PDE11A: variants seen among roughly 807,000 people sequenced by gnomAD.
PDE11A encodes the protein dual 3',5'-cyclic-AMP and -GMP phosphodiesterase 11A.
A neutral mutation model predicts 100.5 loss-of-function variants in PDE11A; 100 were observed. That is an observed-to-expected ratio of 1.00 (90% CI 0.85 to 1.18). The LOEUF (loss-of-function observed/expected upper bound fraction) is 1.18, where lower values mean the gene tolerates loss of function less well. PDE11A is among the 50% of genes most tolerant of loss of function. The pLI is 0.00. For synonymous variants in PDE11A, 381 were observed against 420.8 expected (o/e 0.91, Z 1.16); for missense variants, 1,141 against 1,152.6 (o/e 0.99, Z 0.15).
intron 5 of PDE11A, among the ~76,000 whole-genome samples, chr2:177,861,450 T>G (rs539120244): frequency 3.3e-5 from 5 of 151,914 alleles, no homozygotes; most frequent in Admixed American, 2.0e-4. Context: ...GAAAGACAAC[T>G]TATATACAGG....
At chr2:177,781,040 C>T (rs1322240401) in intron 9 of PDE11A, among the ~76,000 whole-genome samples, 1 of 152,184 alleles carries the variant, frequency 6.6e-6, no homozygotes, top group Admixed American at 6.5e-5. Context: ...TTTTGACATG[C>T]CTTTCTCACT....
At position 177,769,565 on chromosome 2, in the gene PDE11A, C is replaced by T. The variant is rs527635085; in HGVS notation, c.1738-192G>A. ...TCACATATTAAAGAATATTTTATAC[C>T]GGGATTTTTCTATGGGTAGTTATGT... On this transcript the variant is annotated intron_variant, in intron 9 of 19. Transcript: ENST00000286063. 1.1e-4 allele frequency among the ~76,000 whole-genome samples: 17 copies of T among 152,072 alleles called. 1 individual carries two copies. Among genetic ancestry groups the T allele is most frequent in the South Asian group, 4.2e-4 (2 of 4,818 alleles).
chr2:177,790,899 G>C (rs1381453980), intron 9 of PDE11A, among the ~76,000 whole-genome samples: 1 of 152,212 alleles, frequency 6.6e-6, no homozygotes, highest in African/African-American at 2.4e-5. Flanking sequence ...AGGTGCTGGA[G>C]AGGATGTGGA....
chr2:177,891,936 T>C (rs1558994342), intron 4 of PDE11A, among the ~76,000 whole-genome samples: 2 of 152,228 alleles, frequency 1.3e-5, no homozygotes, highest in Admixed American at 6.5e-5. Flanking sequence ...CTCTCACTGG[T>C]TAATACAGAT....
At chr2:178,028,075 C>G (rs1486916709) in intron 1 of PDE11A, among the ~76,000 whole-genome samples, 1 of 152,114 alleles carries the variant, frequency 6.6e-6, no homozygotes, top group African/African-American at 2.4e-5. Context: ...TTGGAAGCAG[C>G]TTAACACTAC....
chr2:177,738,066 C>T (rs1412847543), intron 10 of PDE11A, among the ~76,000 whole-genome samples: 2 of 152,158 alleles, frequency 1.3e-5, no homozygotes, highest in African/African-American at 4.8e-5. Context: ...GATACACGTG[C>T]ACATGGAAAT....
intron 10 of PDE11A, among the ~76,000 whole-genome samples, chr2:177,736,608 G>A (rs2081787633): frequency 6.6e-6 from 1 of 152,082 alleles, no homozygotes; most frequent in Non-Finnish European, 1.5e-5. Context: ...GAAGGAGACA[G>A]CCCCTGGGAG....
intron 9 of PDE11A, among the ~76,000 whole-genome samples, chr2:177,782,392 T>G (rs2082466589): frequency 1.3e-5 from 2 of 152,184 alleles, no homozygotes; most frequent in South Asian, 4.1e-4. Flanking sequence ...AACAAAACAT[T>G]ATCAACATTC....
At chr2:178,037,227 C>T (rs950916612) in intron 1 of PDE11A, among the ~76,000 whole-genome samples, 9 of 152,132 alleles carry the variant, frequency 5.9e-5, no homozygotes, top group Non-Finnish European at 1.3e-4. Flanking sequence ...TGAACAGATA[C>T]TTCTCAAAAG....
At chr2:178,105,700 C>T in intron 1 of PDE11A, 1 of 981,226 alleles carries the variant, frequency 1.0e-6, no homozygotes, top group Non-Finnish European at 1.4e-6. Flanking sequence ...GAATGTGGAA[C>T]CTGATGGCAT....
At chr2:177,634,644 T>C (rs1052740765) in intron 19 of PDE11A, among the ~76,000 whole-genome samples, 5 of 152,128 alleles carry the variant, frequency 3.3e-5, no homozygotes, top group African/African-American at 1.2e-4. Flanking sequence ...CGCCTCCGCC[T>C]CCCAAAGTGC....
chr2:178,104,537 G>A (rs970193795), intron 1 of PDE11A: 7 of 1,419,814 alleles, frequency 4.9e-6, no homozygotes, highest in Non-Finnish European at 6.9e-6. Context: ...TTCAAAGCCG[G>A]GGAGAAAAAA....
At chr2:177,944,896 T>G (rs2105776198) in intron 2 of PDE11A, among the ~76,000 whole-genome samples, 1 of 148,120 alleles carries the variant, frequency 6.8e-6, no homozygotes, top group Admixed American at 6.8e-5. Context: ...AGCTGGACTG[T>G]ACTGCTGCCA....
chr2:178,084,870 G>C (rs1206631314), intron 2 of PDE11A, among the ~76,000 whole-genome samples: 2 of 151,816 alleles, frequency 1.3e-5, no homozygotes, highest in Admixed American at 6.6e-5. Flanking sequence ...ATTGACATTG[G>C]CCTTGCCTAC....
At chr2:177,752,891 T>C (rs999975463) in intron 10 of PDE11A, among the ~76,000 whole-genome samples, 6 of 152,238 alleles carry the variant, frequency 3.9e-5, no homozygotes, top group African/African-American at 1.2e-4. Flanking sequence ...TAGTATTCAA[T>C]CTAAGTTAAT....
At chr2:177,997,024 A>C (rs2086084493) in intron 2 of PDE11A, among the ~76,000 whole-genome samples, 1 of 152,228 alleles carries the variant, frequency 6.6e-6, no homozygotes, top group South Asian at 2.1e-4. Context: ...TACCTTGGAT[A>C]CAACCATGGT....
intron 5 of PDE11A, among the ~76,000 whole-genome samples, chr2:177,857,385 T>C (rs2083857796): frequency 6.6e-6 from 1 of 152,012 alleles, no homozygotes; most frequent in Non-Finnish European, 1.5e-5. Context: ...GAAAATTTTA[T>C]AAGTAAATAT....
At chr2:178,086,760 A>C (rs1296984473) in intron 2 of PDE11A, among the ~76,000 whole-genome samples, 1 of 152,202 alleles carries the variant, frequency 6.6e-6, no homozygotes, top group African/African-American at 2.4e-5. Context: ...TTAAAAGTGT[A>C]TGAATCTGGC....
At chr2:177,724,897 T>C (rs1212830431) in intron 12 of PDE11A, among the ~76,000 whole-genome samples, 1 of 152,084 alleles carries the variant, frequency 6.6e-6, no homozygotes, top group Non-Finnish European at 1.5e-5. Context: ...TGTGCTTTCT[T>C]AGCCTTATGA....
Sources: allele counts gnomAD v4.1 joint callset (sites outside exome capture counted in the v4.1 genomes callset), GRCh38; gene constraint gnomAD v4.1.1; transcripts MANE v1.5; gene names NCBI Gene and HGNC (gene_info 2026-07-23, HGNC 2026-07-21).